The following LIX1 variants were observed in gnomAD, a reference collection of about 807,000 sequenced individuals.
LIX1 encodes the protein protein limb expression 1 homolog.
LIX1 carries 24 observed loss-of-function variants against 33.4 expected under a neutral mutation model. The observed-to-expected ratio is 0.72, with a 90% CI of 0.52 to 1.01. The LOEUF is 1.01. Ranked by LOEUF, LIX1 falls within the 50% of genes least tolerant of loss-of-function variation. The pLI is 0.00. For synonymous variants in LIX1, 124 were observed against 124.0 expected, an observed-to-expected ratio of 1.00 and a Z score of 0.00; for missense variants, 311 against 339.2, an observed-to-expected ratio of 0.92 and a Z score of 0.65.
intron 1 of LIX1, among the ~76,000 whole-genome samples, chr5:97,141,808 T>C (rs1249258168): frequency 2.6e-5 from 4 of 152,212 alleles, no homozygotes; most frequent in Non-Finnish European, 5.9e-5. Context: ...CGAAGTTATA[T>C]GACAAATGGT....
chr5:97,124,134 A>G (rs1050331355), intron 2 of LIX1, among the ~76,000 whole-genome samples: 1 of 152,214 alleles, frequency 6.6e-6, no homozygotes, highest in African/African-American at 2.4e-5. Context: ...CTGTAGACTT[A>G]CACTACAAAA....
chr5:97,105,339 G>T, intron 3 of LIX1, 54 bp from the exon 4 acceptor site: 1 of 1,435,176 alleles, frequency 7.0e-7, no homozygotes, highest in Non-Finnish European at 9.8e-7. Context: ...CCTCTTCTTT[G>T]AATGGTCACA....
At chr5:97,102,711 T>G (rs1399438033) in intron 4 of LIX1, among the ~76,000 whole-genome samples, 1 of 151,670 alleles carries the variant, frequency 6.6e-6, no homozygotes, top group Middle Eastern at 3.2e-3. Flanking sequence ...TTCATAGTAC[T>G]TGGAAGGAAT....
intron 2 of LIX1, among the ~76,000 whole-genome samples, chr5:97,118,503 A>G (rs189741663): frequency 6.6e-6 from 1 of 152,112 alleles, no homozygotes; most frequent in African/African-American, 2.4e-5. Context: ...TCTATTGTAA[A>G]AAAATGGAAA....
Position 97,107,413 on chromosome 5 carries a change from T to A in LIX1, c.334A>T (p.Ile112Phe). The change falls in exon 3 of 6, where the codon ATC (isoleucine) becomes TTC (phenylalanine). Residue 112 changes from isoleucine (I) to phenylalanine (F), a missense_variant. Physicochemically the swap from Ile to Phe is conservative, Grantham distance 21 (BLOSUM62 0). Transcript: ENST00000274382. ...SLFNELPSRR[I>F]TKEFIMESVQ... Reference sequence around the variant, plus strand: ...CTTTCCATAATGAATTCCTTGGTGATCCTGCGAGAGGGCAGCTCATTGAAG... The same window carrying A: ...CTTTCCATAATGAATTCCTTGGTGAACCTGCGAGAGGGCAGCTCATTGAAG... 1 of 1,612,794 alleles carries A rather than the reference T, an allele frequency of 6.2e-7. No homozygotes were observed. Among genetic ancestry groups the A allele is most frequent in the Non-Finnish European group, 8.5e-7 (1 of 1,179,986 alleles).
rs762181595 is a variant in LIX1, at chr5:97,142,492, T to C, written c.82+3A>G. Reference sequence around the variant, plus strand: ...AAAAAACTTTTCCCCCTTCAGTACTTACAGTCTTTGAAGACTAGAGCCGGA... The same window carrying C: ...AAAAAACTTTTCCCCCTTCAGTACTCACAGTCTTTGAAGACTAGAGCCGGA... On this transcript the variant is annotated splice_donor_region_variant and intron_variant, in intron 1 of 5. Transcript: ENST00000274382. The C allele has an allele frequency of 1.9e-6, 3 of 1,611,178 alleles. No individual in the cohort carries two copies. In the African/African-American group the frequency reaches 4.0e-5, roughly 22 times the overall value.
At position 97,136,360 on chromosome 5, in the gene LIX1, G is replaced by T. The variant is rs116943601; in HGVS notation, c.82+6135C>A. 3.4e-3 allele frequency among the ~76,000 whole-genome samples: 514 copies of T among 152,312 alleles called. 12 individuals are homozygous for T. The highest frequency in any genetic ancestry group is 0.03 in the Admixed American group (453 of 15,298). ...GTCAGAAGATAAATGGCTTAAAAGGGTCTTGGCACAGTTTATTTCATCGTA... is the reference window on the plus strand; with the variant it reads ...GTCAGAAGATAAATGGCTTAAAAGGTTCTTGGCACAGTTTATTTCATCGTA... On this transcript the variant is annotated intron_variant, in intron 1 of 5. Transcript: ENST00000274382.
At chr5:97,102,850 G>C (rs1746787605) in intron 4 of LIX1, among the ~76,000 whole-genome samples, 1 of 151,750 alleles carries the variant, frequency 6.6e-6, no homozygotes. Flanking sequence ...ACTGTGTACT[G>C]GGGCAGGCAA....
intron 2 of LIX1, among the ~76,000 whole-genome samples, chr5:97,109,076 C>T (rs1164348171): frequency 6.6e-6 from 1 of 152,088 alleles, no homozygotes; most frequent in East Asian, 1.9e-4. Context: ...AGAGACCTGT[C>T]TCTCCTCCCC....
intron 1 of LIX1, among the ~76,000 whole-genome samples, chr5:97,134,159 C>T (rs1410647137): frequency 2.0e-5 from 3 of 152,130 alleles, no homozygotes; most frequent in Non-Finnish European, 4.4e-5. Flanking sequence ...TTACTTTTGT[C>T]GCCCAGCTGG....
chr5:97,113,375 T>G (rs1747511956), intron 2 of LIX1, among the ~76,000 whole-genome samples: 3 of 152,186 alleles, frequency 2.0e-5, no homozygotes, highest in African/African-American at 7.2e-5. Flanking sequence ...AGGCTATTTC[T>G]TATGCAGCAA....
intron 1 of LIX1, chr5:97,137,329 T>C (rs1157438113): frequency 5.1e-6 from 1 of 197,188 alleles, no homozygotes; most frequent in Non-Finnish European, 1.1e-5. Context: ...TACTTTTCTA[T>C]GAGAAATAAA....
chr5:97,142,510 G>C lies in LIX1; in HGVS notation c.67C>G (p.Leu23Val), dbSNP rs372514258. ...AQVLPHRDPA[L>V]VFKDLNVVSM... Reference sequence around the variant, plus strand: ...CAGTACTTACAGTCTTTGAAGACTAGAGCCGGATCTCTGTGAGGCAAGACT... The same window carrying C: ...CAGTACTTACAGTCTTTGAAGACTACAGCCGGATCTCTGTGAGGCAAGACT... Residue 23 changes from leucine (L) to valine (V), a missense_variant, in exon 1 of 6, where the codon CTA becomes GTA. By Grantham distance (32) the Leu-to-Val change is conservative. Transcript: ENST00000274382. The C allele has an allele frequency of 2.5e-6, 4 of 1,613,844 alleles. No homozygotes were observed. Among genetic ancestry groups the C allele is most frequent in the Non-Finnish European group, 3.4e-6 (4 of 1,179,708 alleles).
At chr5:97,137,377 G>A (rs1040515302) in intron 1 of LIX1, among the ~76,000 whole-genome samples, 3 of 151,938 alleles carry the variant, frequency 2.0e-5, no homozygotes, top group African/African-American at 7.3e-5. Context: ...TGATCAAGAA[G>A]CTACCTATTT....
Position 97,107,517 on chromosome 5 carries a change from G to A in LIX1, c.247-17C>T. On this transcript the variant is annotated splice_polypyrimidine_tract_variant and intron_variant, in intron 2 of 5. Transcript: ENST00000274382. Reference sequence around the variant, plus strand: ...TAAGCAGCACTTGAGAAGGGAGGGAGAAAAGGAGTCATTTGAGAATTTAGC... The same window carrying A: ...TAAGCAGCACTTGAGAAGGGAGGGAAAAAAGGAGTCATTTGAGAATTTAGC... The A allele has an allele frequency of 6.2e-7, 1 of 1,613,340 alleles. No individual in the cohort carries two copies. The highest frequency in any genetic ancestry group is 8.5e-7 in the Non-Finnish European group (1 of 1,179,532).
At chr5:97,108,896 C>T (rs1747214945) in intron 2 of LIX1, among the ~76,000 whole-genome samples, 1 of 152,238 alleles carries the variant, frequency 6.6e-6, no homozygotes, top group Non-Finnish European at 1.5e-5. Context: ...TAGCAAATAC[C>T]ACGCTTCATT....
chr5:97,115,322 G>T (rs532558226), intron 2 of LIX1, among the ~76,000 whole-genome samples: 2 of 152,094 alleles, frequency 1.3e-5, no homozygotes, highest in Admixed American at 6.6e-5. Flanking sequence ...ACTTATTTGT[G>T]AAATACTTTA....
intron 2 of LIX1, among the ~76,000 whole-genome samples, chr5:97,114,935 C>T (rs1026550404): frequency 6.6e-6 from 1 of 152,180 alleles, no homozygotes; most frequent in African/African-American, 2.4e-5. Flanking sequence ...GCTGATTTCT[C>T]ATTAGAGAAA....
In LIX1 at chr5:97,133,882, C is replaced by T. The variant is rs145988062; in HGVS notation, c.82+8613G>A. Among the ~76,000 whole-genome samples, 27 of 152,212 alleles carry T rather than the reference C, an allele frequency of 1.8e-4. No homozygotes were observed. The East Asian group carries it at 5.2e-3, about 29-fold the overall frequency. On this transcript the variant is annotated intron_variant, in intron 1 of 5. Coordinates refer to ENST00000274382, the MANE Select transcript of LIX1 (RefSeq NM_153234.5). ...TCAGGAAAGTAGAAACCATATAGTT[C>T]ATTGCTTAGTTCAATTACCTAATAT...
Sources: gnomAD v4.1 joint callset for allele counts (sites outside exome capture counted in the v4.1 genomes callset) on GRCh38, gnomAD v4.1.1 for gene constraint, MANE v1.5 for transcripts, NCBI Gene and HGNC (gene_info 2026-07-23, HGNC 2026-07-21) for gene names.